MAMDC2: variants seen among roughly 807,000 people sequenced by gnomAD.
The protein encoded by MAMDC2 is MAM domain containing 2.
In MAMDC2, 57 loss-of-function variants were observed where a neutral mutation model predicts 89.8. The ratio of observed to expected loss-of-function variants is 0.63; its 90% CI spans 0.51 to 0.79. The LOEUF (loss-of-function observed/expected upper bound fraction) is 0.79, where lower values mean the gene tolerates loss of function less well. Ranked by LOEUF, MAMDC2 falls within the 30% of genes least tolerant of loss-of-function variation. The pLI, the probability that MAMDC2 is intolerant of heterozygous loss-of-function variation, is 0.00. For missense variants in MAMDC2, 800 were observed against 820.6 expected, an observed-to-expected ratio of 0.97 and a Z score of 0.31; for synonymous variants, 313 against 293.4, an observed-to-expected ratio of 1.07 and a Z score of -0.68.
chr9:70,208,271 A>C lies in MAMDC2; in HGVS notation c.1652-10066A>C, dbSNP rs148772408. Among the ~76,000 whole-genome samples, 432 of 152,298 alleles carry C rather than the reference A, an allele frequency of 2.8e-3. 5 individuals carry two copies. Among genetic ancestry groups the C allele is most frequent in the African/African-American group, 0.01 (419 of 41,556 alleles). On this transcript the variant is annotated intron_variant, in intron 11 of 13. Coordinates refer to ENST00000377182, the MANE Select transcript of MAMDC2 (RefSeq NM_153267.5). ...GATTCTTCCTATCCATGAGCATGGA[A>C]TGTCCTTCCATTTCTTTGTGTCCTC...
chr9:70,054,913 A>G (rs1456110181), intron 2 of MAMDC2, among the ~76,000 whole-genome samples: 1 of 152,114 alleles, frequency 6.6e-6, no homozygotes, highest in Non-Finnish European at 1.5e-5. Flanking sequence ...GAACTTACTC[A>G]TTGAAAAACA....
intron 7 of MAMDC2, among the ~76,000 whole-genome samples, chr9:70,135,482 T>A (rs1343642697): frequency 4.6e-5 from 7 of 152,268 alleles, no homozygotes; most frequent in South Asian, 2.1e-4. Flanking sequence ...GATTTTTTTT[T>A]ATCAGACCTC....
intron 12 of MAMDC2, among the ~76,000 whole-genome samples, chr9:70,223,456 T>C (rs993464979): frequency 5.3e-5 from 8 of 152,176 alleles, no homozygotes; most frequent in African/African-American, 1.2e-4. Context: ...ATGTTCCACA[T>C]TGATTTCTAC....
At chr9:70,204,959 A>G (rs2033192323) in intron 11 of MAMDC2, among the ~76,000 whole-genome samples, 1 of 151,882 alleles carries the variant, frequency 6.6e-6, no homozygotes, top group Non-Finnish European at 1.5e-5. Context: ...ACTGTCTGGC[A>G]CTCCCTAGTG....
chr9:70,152,772 G>A (rs1358231264), intron 9 of MAMDC2, among the ~76,000 whole-genome samples: 1 of 152,128 alleles, frequency 6.6e-6, no homozygotes, highest in Non-Finnish European at 1.5e-5. Flanking sequence ...ACCTTCCTGA[G>A]CCTTCCTTTT....
intron 2 of MAMDC2, chr9:70,062,406 G>T (rs886613201): frequency 6.6e-6 from 1 of 152,138 alleles, no homozygotes; most frequent in Admixed American, 6.5e-5. Context: ...ATAGGAAAAA[G>T]AAAGTTTTTT....
At chr9:70,095,527 AT>A (rs1263632612) in intron 2 of MAMDC2, among the ~76,000 whole-genome samples, 5 of 152,180 alleles carry the variant, frequency 3.3e-5, no homozygotes, top group South Asian at 2.1e-4. Flanking sequence ...AGATTTCTTG[AT>A]TGATCACTAG....
At chr9:70,083,698 C>CG in intron 2 of MAMDC2, 2 of 142,004 alleles carry the variant, frequency 1.4e-5, no homozygotes, top group South Asian at 4.4e-4. Flanking sequence ...TTCTTTCTTT[C>CG]TTTTTTTTTT....
At chr9:70,081,136 A>G (rs3015180) in intron 2 of MAMDC2, among the ~76,000 whole-genome samples, 28,805 of 151,954 alleles carry the variant, frequency 0.19, 3,895 homozygotes, top group African/African-American at 0.38. Flanking sequence ...TGTTTGACAC[A>G]AAGGAGAGAG....
At chr9:70,186,871 A>T (rs1461891499) in intron 11 of MAMDC2, among the ~76,000 whole-genome samples, 4 of 152,076 alleles carry the variant, frequency 2.6e-5, no homozygotes, top group Admixed American at 6.6e-5. Context: ...TCTTTAAACA[A>T]CCAGTTCTTA....
At chr9:70,114,930 G>C (rs563356382) in intron 5 of MAMDC2, among the ~76,000 whole-genome samples, 3 of 152,152 alleles carry the variant, frequency 2.0e-5, no homozygotes, top group African/African-American at 4.8e-5. Context: ...GAAGTAAACT[G>C]TATTTCGGGG....
intron 2 of MAMDC2, among the ~76,000 whole-genome samples, chr9:70,096,114 C>T (rs7864975): frequency 0.013 from 1,904 of 152,130 alleles, 31 homozygotes; most frequent in African/African-American, 0.044. Context: ...GCCTCGACCT[C>T]CCCAGGCTCA....
chr9:70,175,972 T>C (rs2032487026), intron 11 of MAMDC2: 1 of 152,156 alleles, frequency 6.6e-6, no homozygotes, highest in African/African-American at 2.4e-5. Context: ...TCCTAAAAGG[T>C]TCTATCTCCA....
At chr9:70,201,642 T>A (rs1008192127) in intron 11 of MAMDC2, among the ~76,000 whole-genome samples, 6 of 67,922 alleles carry the variant, frequency 8.8e-5, no homozygotes. Context: ...CAGTTCCTCC[T>A]TGTACCTCTG....
intron 4 of MAMDC2, among the ~76,000 whole-genome samples, chr9:70,110,864 T>A (rs1055573870): frequency 1.3e-5 from 2 of 152,052 alleles, no homozygotes; most frequent in African/African-American, 4.8e-5. Flanking sequence ...AAAAAGGCAG[T>A]AGAATTGAGA....
chr9:70,201,955 T>G (rs1393476934), intron 11 of MAMDC2, among the ~76,000 whole-genome samples: 2 of 150,458 alleles, frequency 1.3e-5, no homozygotes, highest in African/African-American at 4.9e-5. Flanking sequence ...TTTTTCTTTA[T>G]TAGTCTTGCT....
intron 11 of MAMDC2, among the ~76,000 whole-genome samples, chr9:70,202,008 C>T (rs1347954071): frequency 6.6e-6 from 1 of 150,798 alleles, no homozygotes; most frequent in Non-Finnish European, 1.5e-5. Context: ...AAAGCAGCTC[C>T]TGGATTCATA....
chr9:70,044,433 G>A (rs1041395520), intron 1 of MAMDC2, 151 bp from the exon 2 acceptor site: 20 of 797,926 alleles, frequency 2.5e-5, no homozygotes, highest in Non-Finnish European at 3.0e-5. Context: ...GGAGGCGCCC[G>A]GGGATGCTGG....
intron 2 of MAMDC2, among the ~76,000 whole-genome samples, chr9:70,099,055 G>A (rs1441380925): frequency 1.3e-5 from 2 of 152,142 alleles, no homozygotes; most frequent in Non-Finnish European, 2.9e-5. Flanking sequence ...CAAAATAATA[G>A]TAAAATTGGA....
Sources: gnomAD v4.1 joint callset for allele counts (sites outside exome capture counted in the v4.1 genomes callset) on GRCh38, gnomAD v4.1.1 for gene constraint, MANE v1.5 for transcripts, NCBI Gene and HGNC (gene_info 2026-07-23, HGNC 2026-07-21) for gene names.